The following ARAP3 variants were observed in gnomAD, a reference collection of about 807,000 sequenced individuals.
ARAP3 encodes the protein ArfGAP with RhoGAP domain, ankyrin repeat and PH domain 3.
In ARAP3, 82 loss-of-function variants were observed where a neutral mutation model predicts 169.2. The observed-to-expected ratio is 0.48, with a 90% confidence interval of 0.41 to 0.58. The LOEUF (loss-of-function observed/expected upper bound fraction) is 0.58, where lower values mean the gene tolerates loss of function less well. Among genes scored for constraint, ARAP3 ranks in the 20% least tolerant of loss-of-function variants. The pLI is 0.00. For synonymous variants in ARAP3, 791 were observed against 800.3 expected, an observed-to-expected ratio of 0.99 and a Z score of 0.20; for missense variants, 1,764 against 2,018.0, an observed-to-expected ratio of 0.87 and a Z score of 2.41.
chr5:141,678,882 T>G (rs1237548087), intron 4 of ARAP3, among the ~76,000 whole-genome samples: 2 of 152,242 alleles, frequency 1.3e-5, no homozygotes, highest in Non-Finnish European at 2.9e-5. Flanking sequence ...TTATTGTTAA[T>G]AGACTATCTC....
rs1048418062 is a variant in ARAP3, at chr5:141,672,091, C to T, written c.1585+11G>A. On this transcript the variant is annotated intron_variant, in intron 10 of 32. Transcript: ENST00000239440. This position sits in a 1 kb window ranked among gnomAD's most constrained non-coding sequence, Gnocchi z 4.9. Reference sequence around the variant, plus strand: ...TCCTGTTCCCCACATGGGCTTGAGGCCATTCCTCACCTGCACACTGCTTGC... The same window carrying T: ...TCCTGTTCCCCACATGGGCTTGAGGTCATTCCTCACCTGCACACTGCTTGC... The T allele has an allele frequency of 1.9e-6, 3 of 1,614,052 alleles. No homozygotes were observed. The African/African-American group carries it at 4.0e-5, about 22-fold the overall frequency.
rs575440364 is a variant in ARAP3, at chr5:141,680,121, T to C, written c.366A>G (p.Gly122=). The change falls in exon 2 of 33, where the codon GGA becomes GGG. Residue 122 remains glycine, a synonymous_variant. Coordinates refer to ENST00000239440, the MANE Select transcript of ARAP3 (RefSeq NM_022481.6). ...GCTCTGGGCTCCTGGACACTCCTGG[T>C]CCCCCGAGGGCTGGGCTCAGCCCAG... is the stretch of plus-strand genomic sequence containing the variant. The part of the protein sequence containing the change: ...QRPGLSPALG[G]PGVSRSPEPS... 53 of 1,612,000 alleles carry C rather than the reference T, an allele frequency of 3.3e-5. No homozygotes were observed. Among genetic ancestry groups the C allele is most frequent in the Non-Finnish European group, 4.4e-5 (52 of 1,178,928 alleles).
chr5:141,662,301 C>CA (rs2099910061), intron 19 of ARAP3, 46 bp from the exon 20 acceptor site: 1 of 1,590,522 alleles, frequency 6.3e-7, no homozygotes, highest in African/African-American at 1.3e-5. Context: ...CAAAGGCTAC[C>CA]ACCACCCACC....
At chr5:141,667,405 G>A (rs997096152) in intron 16 of ARAP3, among the ~76,000 whole-genome samples, 7 of 151,044 alleles carry the variant, frequency 4.6e-5, no homozygotes, top group African/African-American at 1.7e-4. Context: ...AAAGTCCCAA[G>A]CTGTCACTAA....
rs1230759963 is a variant in ARAP3, at chr5:141,672,801, G to C, written c.1218C>G (p.His406Gln). 3 of 1,613,392 alleles carry C rather than the reference G, an allele frequency of 1.9e-6. No homozygotes were observed. Among genetic ancestry groups the C allele is most frequent in the African/African-American group, 2.7e-5 (2 of 74,878 alleles). Residue 406 changes from histidine (H) to glutamine (Q), a missense_variant, in exon 8 of 33, where the codon CAC (histidine) becomes CAG (glutamine). By Grantham distance (24) the His-to-Gln change is conservative. Transcript: ENST00000239440. This position sits in a 1 kb window ranked among gnomAD's most constrained non-coding sequence, Gnocchi z 4.9. ...LRTGMLELRG[H>Q]KAKVFAALSP... ...TCAAGGCAGCAAACACCTTGGCCTT[G>C]TGTCCACGCAGCTCCAGCATGCCCG...
intron 19 of ARAP3, among the ~76,000 whole-genome samples, chr5:141,663,445 A>G (rs1352051519): frequency 6.6e-6 from 1 of 152,156 alleles, no homozygotes; most frequent in African/African-American, 2.4e-5. Context: ...ACCCGCCACC[A>G]TGGCTGGCTA....
Position 141,673,134 on chromosome 5 carries a change from C to A in ARAP3, c.973-1G>T. ...GTATCACACCCTTAGGGAAGGGGTC[C>A]TGGAGAGAGAGAGCTCAATGACCCA... is the stretch of plus-strand genomic sequence containing the variant. On this transcript the variant is annotated splice_acceptor_variant, in intron 6 of 32. Transcript: ENST00000239440. LOFTEE classifies it high-confidence loss of function. 1 of 1,614,130 alleles carries A rather than the reference C, an allele frequency of 6.2e-7. No homozygotes were observed. The highest frequency in any genetic ancestry group is 8.5e-7 in the Non-Finnish European group (1 of 1,180,008).
Position 141,672,856 on chromosome 5 carries a change from C to CG in ARAP3, c.1162dup (p.Arg388ProfsTer38). On this transcript the variant is annotated frameshift_variant, in exon 8 of 33. Coordinates refer to ENST00000239440, the MANE Select transcript of ARAP3 (RefSeq NM_022481.6). LOFTEE classifies it high-confidence loss of function. The surrounding 1 kb of genome is among the most constrained non-coding windows in gnomAD (Gnocchi z 4.9). ...GAGGGGTCGGGGTGGTTGGGGGGGC[C>CG]GGGGGTGGCCCAGGAGGCGCTGCTC... The CG allele has an allele frequency of 2.5e-6, 2 of 796,318 alleles. No homozygotes were observed. The highest frequency in any genetic ancestry group is 4.0e-6 in the Non-Finnish European group (2 of 497,800). 49.3% of individuals were successfully genotyped at this position (796,318 alleles called of 1,614,324 possible).
intron 14 of ARAP3, 105 bp downstream of exon 14, chr5:141,670,407 G>T: frequency 8.1e-7 from 1 of 1,242,098 alleles, no homozygotes; most frequent in Non-Finnish European, 1.2e-6. Flanking sequence ...CCCAGGCATG[G>T]CCCCACTTTC....
rs1260854161 is a variant in ARAP3 at position 141,673,801 on chromosome 5, T to G, written c.706A>C (p.Arg236=). The G allele has an allele frequency of 6.2e-7, 1 of 1,613,846 alleles. No individual in the cohort carries two copies. Among genetic ancestry groups the G allele is most frequent in the Admixed American group, 1.7e-5 (1 of 59,996 alleles). Residue 236 remains arginine (R), a synonymous_variant, in exon 5 of 33, where the codon AGA becomes CGA. Transcript: ENST00000239440. ...CQGRAEHRLS[R]QDLEAREDAG... is the part of the protein sequence containing the mutation. ...TCCTCCCGTGCCTCCAGATCCTGTC[T>G]GCTGAGCCTTGTGGGGGCCAAGACA...
chr5:141,662,554 G>T (rs1273917212), intron 19 of ARAP3, among the ~76,000 whole-genome samples: 2 of 152,038 alleles, frequency 1.3e-5, no homozygotes, highest in African/African-American at 4.8e-5. Flanking sequence ...TATTATCTGT[G>T]GATTCCATAT....
At position 141,654,362 on chromosome 5, in the gene ARAP3, T is replaced by C; in HGVS notation, c.4223A>G (p.Tyr1408Cys). The C allele has an allele frequency of 1.2e-6, 2 of 1,613,922 alleles. No homozygotes were observed. The highest frequency in any genetic ancestry group is 1.7e-6 in the Non-Finnish European group (2 of 1,179,920). ...LEEPVYEEPVYEEVGAFPELI... is the reference protein window; with the variant it reads ...LEEPVYEEPVCEEVGAFPELI... ...CTCAGGGAAGGCCCCTACTTCCTCA[T>C]ACACTGGCTCCTCGTACACAGGCTC... is the stretch of plus-strand genomic sequence containing the variant. Residue 1408 changes from tyrosine (Y) to cysteine (C), a missense_variant, in exon 33 of 33, where the codon TAT (tyrosine) becomes TGT (cysteine). Physicochemically the swap from Tyr to Cys is radical, Grantham distance 194. This residue lies in a region of ARAP3 where 1,112 missense variants were observed against 1,285.7 expected (regional missense o/e 0.86). Coordinates refer to ENST00000239440, the MANE Select transcript of ARAP3 (RefSeq NM_022481.6).
At chr5:141,660,208 A>C (rs898813554) in intron 21 of ARAP3, among the ~76,000 whole-genome samples, 1 of 152,100 alleles carries the variant, frequency 6.6e-6, no homozygotes, top group Non-Finnish European at 1.5e-5. Flanking sequence ...AAATATATAC[A>C]TGGGCCGGGC....
At chr5:141,665,664 A>G (rs1371235545) in intron 17 of ARAP3, among the ~76,000 whole-genome samples, 1 of 152,048 alleles carries the variant, frequency 6.6e-6, no homozygotes, top group Non-Finnish European at 1.5e-5. Flanking sequence ...TTCCTCTTTT[A>G]GGAGAAAGGA....
At position 141,679,672 on chromosome 5, in the gene ARAP3, G is replaced by A. The variant is rs1355327595; in HGVS notation, c.587-16C>T. 3.7e-6 allele frequency: 6 copies of A among 1,613,984 alleles called. No homozygotes were observed. Among genetic ancestry groups the A allele is most frequent in the Non-Finnish European group, 5.1e-6 (6 of 1,179,922 alleles). On this transcript the variant is annotated splice_polypyrimidine_tract_variant and intron_variant, in intron 3 of 32. Transcript: ENST00000239440. ...ATGATGTGCACTGGCAGGAGGAGAG[G>A]GGAACGCACAAGGAAGAGGAGATCG...
chr5:141,673,180 T>C (rs2099911674), intron 6 of ARAP3, 47 bp from the exon 7 acceptor site: 3 of 1,612,270 alleles, frequency 1.9e-6, no homozygotes, highest in Non-Finnish European at 2.5e-6. Flanking sequence ...AACTGAGCCA[T>C]GTGTGCCAGC....
In ARAP3 at chr5:141,662,140, A is replaced by C. The variant is rs768571736; in HGVS notation, c.2916T>G (p.Phe972Leu). The change falls in exon 20 of 33, where the codon TTT becomes TTG. Residue 972 changes from phenylalanine (F) to leucine (L), a missense_variant. Phe to Leu is a conservative substitution (Grantham distance 22). Transcript: ENST00000239440. ...TGAGTGTGTCAGTGACATCCTCCAC[A>C]AAGTGCTCCCCTGGTCGGAGCTTCA... ...RSVKLRPGEH[F>L]VEDVTDTLKR... 1.2e-6 allele frequency: 2 copies of C among 1,614,086 alleles called. No individual in the cohort carries two copies. Among genetic ancestry groups the C allele is most frequent in the African/African-American group, 2.7e-5 (2 of 74,928 alleles).
chr5:141,660,914 C>T (rs1454677317), intron 21 of ARAP3, among the ~76,000 whole-genome samples: 3 of 152,138 alleles, frequency 2.0e-5, no homozygotes, highest in Admixed American at 1.3e-4. Context: ...ATATCTAACC[C>T]TTTCCCTGAC....
In ARAP3 at chr5:141,655,374, C is replaced by A. The variant is rs775699105; in HGVS notation, c.4137G>T (p.Leu1379=). 25 of 1,582,986 alleles carry A rather than the reference C, an allele frequency of 1.6e-5. No individual in the cohort carries two copies. Among genetic ancestry groups the A allele is most frequent in the Non-Finnish European group, 2.1e-5 (25 of 1,164,170 alleles). ...GCACAATACTCACAAAGAACATGGA[C>A]AGGGTCCTCCGGTTGTGTAGTCGCC... ...TLRRLHNRRT[L]SMFFPMKSSQ... The change falls in exon 32 of 33, where the codon CTG becomes CTT. Residue 1379 remains leucine (L), a synonymous_variant. Transcript: ENST00000239440.
Sources: allele counts gnomAD v4.1 joint callset (sites outside exome capture counted in the v4.1 genomes callset), GRCh38; gene constraint gnomAD v4.1.1; regional missense constraint gnomAD v4.1.1; non-coding constraint Gnocchi (gnomAD v3.1); transcripts MANE v1.5; gene names NCBI Gene and HGNC (gene_info 2026-07-23, HGNC 2026-07-21).